The following TENM3 variants were observed in gnomAD, a reference collection of about 807,000 sequenced individuals.
The protein encoded by TENM3 is teneurin-3.
TENM3 carries 63 observed loss-of-function variants against 255.1 expected under a neutral mutation model. The ratio of observed to expected loss-of-function variants is 0.25; its 90% CI spans 0.20 to 0.30. TENM3 has a LOEUF of 0.30. TENM3 is among the 10% of genes least tolerant of loss of function. The pLI, the probability that TENM3 is intolerant of heterozygous loss-of-function variation, is 1.00. For missense variants in TENM3, 2,929 were observed against 3,461.1 expected (o/e 0.85, Z 3.86); for synonymous variants, 1,306 against 1,322.3 (o/e 0.99, Z 0.27).
At chr4:181,584,957 A>G in the TENM3 span, among the ~76,000 whole-genome samples, 3 of 151,180 alleles carry the variant, frequency 2.0e-5, no homozygotes, top group South Asian at 2.1e-4. Context: ...ATGAATGTCC[A>G]TATAGTTGAA....
intron 1 of TENM3, among the ~76,000 whole-genome samples, chr4:182,178,862 A>G (rs968103651): frequency 6.6e-6 from 1 of 152,204 alleles, no homozygotes; most frequent in African/African-American, 2.4e-5. Context: ...CAGTTATGAA[A>G]CTTCACCTGT....
At chr4:181,566,021 A>G in the TENM3 span, among the ~76,000 whole-genome samples, 5 of 152,320 alleles carry the variant, frequency 3.3e-5, no homozygotes, top group Middle Eastern at 3.4e-3. Context: ...ACATACTACT[A>G]CATGCAGAAT....
the TENM3 span, among the ~76,000 whole-genome samples, chr4:181,546,035 G>C: frequency 6.6e-6 from 1 of 152,070 alleles, no homozygotes; most frequent in Non-Finnish European, 1.5e-5. Context: ...TTTCACACAC[G>C]GCCTGTTATT....
chr4:181,580,461 T>A, the TENM3 span, among the ~76,000 whole-genome samples: 4 of 152,140 alleles, frequency 2.6e-5, no homozygotes, highest in African/African-American at 9.7e-5. Flanking sequence ...GGAGTCTCTG[T>A]GCAAAGTATT....
chr4:181,690,460 A>C, the TENM3 span, among the ~76,000 whole-genome samples: 8 of 152,342 alleles, frequency 5.3e-5, no homozygotes, highest in African/African-American at 1.9e-4. Context: ...TATATAACTG[A>C]GGTAGGCAAG....
chr4:182,472,224 G>A (rs1467098198), intron 3 of TENM3, among the ~76,000 whole-genome samples: 1 of 151,646 alleles, frequency 6.6e-6, no homozygotes, highest in East Asian at 1.9e-4. Context: ...TTAGCAAGAG[G>A]TCTCTGTCTT....
the TENM3 span, among the ~76,000 whole-genome samples, chr4:181,838,467 T>C: frequency 1.3e-5 from 2 of 152,212 alleles, no homozygotes; most frequent in African/African-American, 4.8e-5. Context: ...TCTCTTCTTT[T>C]TTACATTCTG....
intron 3 of TENM3, among the ~76,000 whole-genome samples, chr4:182,516,149 G>A (rs1028205643): frequency 3.3e-5 from 5 of 152,186 alleles, no homozygotes; most frequent in African/African-American, 1.2e-4. Context: ...GAATGCAGTG[G>A]TTAATTAATG....
chr4:182,667,986 A>AATT (rs1013969216), intron 6 of TENM3, among the ~76,000 whole-genome samples: 1 of 152,036 alleles, frequency 6.6e-6, no homozygotes, highest in Non-Finnish European at 1.5e-5. Flanking sequence ...TTAATTAATT[A>AATT]AAAAGAAAAG....
chr4:181,888,591 C>CGTGTAT, the TENM3 span, among the ~76,000 whole-genome samples: 1 of 90,176 alleles, frequency 1.1e-5, no homozygotes, highest in Non-Finnish European at 2.0e-5. Context: ...TATATATATG[C>CGTGTAT]GTGTGTGTGT....
the TENM3 span, among the ~76,000 whole-genome samples, chr4:181,811,366 C>G: frequency 6.6e-6 from 1 of 152,132 alleles, no homozygotes; most frequent in African/African-American, 2.4e-5. Flanking sequence ...AATTATGGCC[C>G]ACAGAAGTGG....
intron 3 of TENM3, among the ~76,000 whole-genome samples, chr4:182,518,704 G>T (rs576010189): frequency 1.3e-5 from 2 of 152,222 alleles, no homozygotes; most frequent in African/African-American, 4.8e-5. Context: ...TTTCAACCTG[G>T]TAAGATCCTG....
At chr4:182,110,340 A>T in the TENM3 span, among the ~76,000 whole-genome samples, 1 of 151,452 alleles carries the variant, frequency 6.6e-6, no homozygotes, top group African/African-American at 2.4e-5. Context: ...TTATTTATTT[A>T]TTGAGACAGG....
chr4:181,850,892 A>G, the TENM3 span, among the ~76,000 whole-genome samples: 1 of 152,082 alleles, frequency 6.6e-6, no homozygotes, highest in Non-Finnish European at 1.5e-5. Context: ...CCTTCACTCC[A>G]TTCCACACGT....
chr4:181,623,559 C>T, the TENM3 span, among the ~76,000 whole-genome samples: 2 of 152,190 alleles, frequency 1.3e-5, no homozygotes, highest in Non-Finnish European at 1.5e-5. Context: ...GGCAATGACT[C>T]ATGAAACTCG....
chr4:181,781,196 T>C, the TENM3 span, among the ~76,000 whole-genome samples: 1 of 152,220 alleles, frequency 6.6e-6, no homozygotes, highest in East Asian at 1.9e-4. Context: ...GCATTGAATC[T>C]ATAAATTACC....
chr4:181,520,269 G>C, the TENM3 span, among the ~76,000 whole-genome samples: 1 of 152,164 alleles, frequency 6.6e-6, no homozygotes, highest in African/African-American at 2.4e-5. Flanking sequence ...CTGCACCGTG[G>C]GAAGCCGTGC....
At chr4:182,084,031 A>G in the TENM3 span, among the ~76,000 whole-genome samples, 2 of 152,210 alleles carry the variant, frequency 1.3e-5, no homozygotes, top group Non-Finnish European at 2.9e-5. Context: ...TTCTAAAGCC[A>G]TAAGACCTTT....
At chr4:182,238,432 C>T (rs774273429), upstream of TENM3, among the ~76,000 whole-genome samples, 1 of 152,170 alleles carries the variant, frequency 6.6e-6, no homozygotes, top group Non-Finnish European at 1.5e-5. Context: ...AATGCAACGC[C>T]CAGGGGAACC....
Sources: gnomAD v4.1 joint callset for allele counts (sites outside exome capture counted in the v4.1 genomes callset) on GRCh38, gnomAD v4.1.1 for gene constraint, MANE v1.5 for transcripts, NCBI Gene and HGNC (gene_info 2026-07-23, HGNC 2026-07-21) for gene names.